ARL6IP6: variants seen among roughly 807,000 people sequenced by gnomAD.
The protein encoded by ARL6IP6 is ARF like GTPase 6 interacting protein 6.
Under a neutral mutation model 21.5 loss-of-function variants are expected in ARL6IP6, and 22 were observed. The ratio of observed to expected loss-of-function variants is 1.02; its 90% CI spans 0.73 to 1.46. The LOEUF is 1.46. Among genes scored for constraint, ARL6IP6 ranks in the 40% most tolerant of loss-of-function variants. The pLI, the probability that ARL6IP6 is intolerant of heterozygous loss-of-function variation, is 0.00. For synonymous variants in ARL6IP6, 164 were observed against 125.3 expected (o/e 1.31, Z -2.06); for missense variants, 388 against 299.8 (o/e 1.29, Z -2.17).
intron 2 of ARL6IP6, among the ~76,000 whole-genome samples, chr2:152,728,845 G>A (rs1700166527): frequency 6.6e-6 from 1 of 152,058 alleles, no homozygotes; most frequent in South Asian, 2.1e-4. Flanking sequence ...CGGATCATGA[G>A]GTCAAGAGAT....
intron 2 of ARL6IP6, among the ~76,000 whole-genome samples, chr2:152,726,363 A>ATT (rs1391101771): frequency 2.2e-5 from 1 of 46,464 alleles, no homozygotes; most frequent in Non-Finnish European, 4.8e-5. Context: ...GCTACCATGC[A>ATT]CTCTGCACCC....
chr2:152,740,079 C>T (rs1033188751), intron 3 of ARL6IP6, among the ~76,000 whole-genome samples: 1 of 152,134 alleles, frequency 6.6e-6, no homozygotes, highest in South Asian at 2.1e-4. Context: ...CAAACCATAT[C>T]AATTAGTAAT....
Position 152,718,703 on chromosome 2 carries a change from T to C in ARL6IP6, c.79T>C (p.Ser27Pro), listed in dbSNP as rs1280633981. Reference protein sequence around the residue: ...PGTPGPVARPSYSSFTQGDSW... With the variant: ...PGTPGPVARPPYSSFTQGDSW... ...CACCCCGGGCCCTGTGGCTCGGCCA[T>C]CGTATTCCTCCTTTACTCAGGGGGA... The change falls in exon 1 of 4, where the codon TCG becomes CCG. Residue 27 changes from serine (S) to proline (P), a missense_variant. Ser to Pro is a moderately conservative substitution (Grantham distance 74). Coordinates refer to ENST00000326446, the MANE Select transcript of ARL6IP6 (RefSeq NM_152522.7). 1 of 1,600,390 alleles carries C rather than the reference T, an allele frequency of 6.2e-7. No individual in the cohort carries two copies. Among genetic ancestry groups the C allele is most frequent in the South Asian group, 1.1e-5 (1 of 89,286 alleles).
intron 3 of ARL6IP6, among the ~76,000 whole-genome samples, chr2:152,742,215 TCTAA>T (rs762689384): frequency 6.6e-6 from 1 of 152,152 alleles, no homozygotes; most frequent in Non-Finnish European, 1.5e-5. Context: ...AGTTAATGCA[TCTAA>T]CTATGTTACC....
intron 2 of ARL6IP6, among the ~76,000 whole-genome samples, chr2:152,725,579 C>T (rs1700005152): frequency 6.6e-6 from 1 of 151,876 alleles, no homozygotes; most frequent in Non-Finnish European, 1.5e-5. Flanking sequence ...GATTGTTGTC[C>T]TCTTTTCGTC....
At chr2:152,722,170 G>T (rs1574011414) in intron 2 of ARL6IP6, among the ~76,000 whole-genome samples, 1 of 152,174 alleles carries the variant, frequency 6.6e-6, no homozygotes, top group Non-Finnish European at 1.5e-5. Flanking sequence ...CTTTTGACAT[G>T]GTCCTGCTTC....
chr2:152,759,317 A>G (rs1013770485), intron 3 of ARL6IP6, among the ~76,000 whole-genome samples: 7 of 72,510 alleles, frequency 9.7e-5, no homozygotes, highest in South Asian at 4.9e-4. Flanking sequence ...TGCAAACAGA[A>G]CAAATACTTG....
At position 152,718,832 on chromosome 2, in the gene ARL6IP6, C is replaced by T. The variant is rs768658181; in HGVS notation, c.208C>T (p.Arg70Cys). Residue 70 changes from arginine to cysteine, a missense_variant, in exon 1 of 4, where the codon CGC (arginine) becomes TGC (cysteine). Coordinates refer to ENST00000326446, the MANE Select transcript of ARL6IP6 (RefSeq NM_152522.7). ...SAGAWSEPRK[R>C]SVLPPDGNGS... ...TGGGGCGTGGTCAGAGCCCAGAAAG[C>T]GCTCGGTGCTCCCGCCGGACGGGAA... 8 of 1,610,476 alleles carry T rather than the reference C, an allele frequency of 5.0e-6. No homozygotes were observed. The Admixed American group carries it at 6.7e-5, about 14-fold the overall frequency.
chr2:152,731,863 AT>A (rs2105118914), intron 2 of ARL6IP6, among the ~76,000 whole-genome samples: 1 of 152,086 alleles, frequency 6.6e-6, no homozygotes, highest in East Asian at 1.9e-4. Flanking sequence ...TATAATACAT[AT>A]TTTCCCCTTA....
chr2:152,717,809 G>A (rs1322699889), upstream of ARL6IP6: 9 of 1,156,980 alleles, frequency 7.8e-6, no homozygotes, highest in Admixed American at 4.6e-5. Context: ...CTCCCCGCCC[G>A]AGTTACGTAC....
At chr2:152,725,517 A>T (rs879915486) in intron 2 of ARL6IP6, among the ~76,000 whole-genome samples, 91 of 152,328 alleles carry the variant, frequency 6.0e-4, no homozygotes, top group Admixed American at 7.2e-4. Context: ...TGACCATTTG[A>T]ATTGTTTGTA....
At chr2:152,746,001 C>CTTTTTTTTTT (rs67760283) in intron 3 of ARL6IP6, among the ~76,000 whole-genome samples, 13 of 66,378 alleles carry the variant, frequency 2.0e-4, no homozygotes, top group Non-Finnish European at 2.9e-4. Context: ...TGCTTTGTAC[C>CTTTTTTTTTT]TTTTTTTTTT....
intron 3 of ARL6IP6, among the ~76,000 whole-genome samples, chr2:152,737,816 G>A (rs915989086): frequency 1.3e-5 from 2 of 152,054 alleles, no homozygotes; most frequent in East Asian, 1.9e-4. Flanking sequence ...TTTGGGTGGG[G>A]CACAGCCAAA....
chr2:152,744,506 T>C (rs1700958648), intron 3 of ARL6IP6, among the ~76,000 whole-genome samples: 1 of 152,162 alleles, frequency 6.6e-6, no homozygotes, highest in Admixed American at 6.5e-5. Flanking sequence ...ACTTCAGTTA[T>C]TAGTGTTATA....
intron 2 of ARL6IP6, among the ~76,000 whole-genome samples, chr2:152,732,799 C>G (rs1700381026): frequency 6.6e-6 from 1 of 152,044 alleles, no homozygotes; most frequent in Non-Finnish European, 1.5e-5. Context: ...CCCATTTACT[C>G]TCTCTAATAC....
intron 3 of ARL6IP6, among the ~76,000 whole-genome samples, chr2:152,744,843 G>T (rs772075676): frequency 6.6e-6 from 1 of 151,968 alleles, no homozygotes; most frequent in Non-Finnish European, 1.5e-5. Context: ...AAATTGTATT[G>T]CCTTACAATG....
intron 3 of ARL6IP6, among the ~76,000 whole-genome samples, chr2:152,749,224 T>C (rs1430149857): frequency 1.3e-5 from 2 of 152,006 alleles, no homozygotes; most frequent in Non-Finnish European, 2.9e-5. Context: ...AGTCTAGATA[T>C]AAATAATGGA....
rs1264849515 is a variant in ARL6IP6, at chr2:152,760,104, TTTG to T, written c.*266_*268del. 3.2e-5 allele frequency: 9 copies of T among 281,986 alleles called. No individual in the cohort carries two copies. The highest frequency in any genetic ancestry group is 2.9e-4 in the Admixed American group (6 of 20,604). The allele number at this position is 281,986 out of a possible 1,614,324, so 17.5% of individuals were successfully genotyped here. On this transcript the variant is annotated 3_prime_UTR_variant, in exon 4 of 4. Transcript: ENST00000326446. ...AAGATGTTTACCTCATCTTTTTACT[TTTG>T]TGTGTGTAGTTCTTTCAAGTTGTAG... is the stretch of plus-strand genomic sequence containing the variant.
intron 2 of ARL6IP6, among the ~76,000 whole-genome samples, chr2:152,727,701 A>G (rs1559226039): frequency 6.6e-6 from 1 of 152,276 alleles, no homozygotes; most frequent in Non-Finnish European, 1.5e-5. Flanking sequence ...CGCGTGCAGT[A>G]TTTGGTATAG....
Sources: allele counts gnomAD v4.1 joint callset (sites outside exome capture counted in the v4.1 genomes callset), GRCh38; gene constraint gnomAD v4.1.1; transcripts MANE v1.5; gene names NCBI Gene and HGNC (gene_info 2026-07-23, HGNC 2026-07-21).